Variants in MPP4 observed in about 807,000 individuals in gnomAD.
MPP4 encodes the protein MAGUK p55 subfamily member 4.
Under a neutral mutation model 98.3 loss-of-function variants are expected in MPP4, and 91 were observed. The observed-to-expected ratio is 0.93, with a 90% CI of 0.78 to 1.10. The LOEUF is 1.10. Among genes scored for constraint, MPP4 ranks in the 50% least tolerant of loss-of-function variants. The pLI is 0.00. For synonymous variants in MPP4, 261 were observed against 271.8 expected, an observed-to-expected ratio of 0.96 and a Z score of 0.39; for missense variants, 744 against 792.9, an observed-to-expected ratio of 0.94 and a Z score of 0.74.
At chr2:201,674,389 G>A (rs1337328997) in intron 11 of MPP4, among the ~76,000 whole-genome samples, 2 of 152,208 alleles carry the variant, frequency 1.3e-5, no homozygotes, top group Non-Finnish European at 2.9e-5. Context: ...TCAGATGGCT[G>A]GCTGCCAGGG....
intron 6 of MPP4, 131 bp downstream of exon 6, chr2:201,685,788 T>C: frequency 2.0e-6 from 2 of 1,017,614 alleles, no homozygotes; most frequent in Non-Finnish European, 1.4e-6. Flanking sequence ...ACTTGCAGAG[T>C]TGACAGCCGT....
intron 3 of MPP4, among the ~76,000 whole-genome samples, chr2:201,691,253 C>A (rs1689014834): frequency 6.6e-6 from 1 of 152,148 alleles, no homozygotes; most frequent in Non-Finnish European, 1.5e-5. Context: ...TTCATTCATG[C>A]CAAAGATGTT....
chr2:201,692,616 G>A (rs1386720162), intron 3 of MPP4, among the ~76,000 whole-genome samples: 3 of 151,460 alleles, frequency 2.0e-5, no homozygotes, highest in Admixed American at 2.0e-4. Flanking sequence ...TCATGAATAT[G>A]GAATTAATGC....
rs914121592 is a variant in MPP4, at chr2:201,693,922, T to C, written c.33A>G (p.Pro11=). The C allele has an allele frequency of 6.2e-7, 1 of 1,614,028 alleles. No individual in the cohort carries two copies. The highest frequency in any genetic ancestry group is 8.5e-7 in the Non-Finnish European group (1 of 1,179,874). Residue 11 remains proline (P), a synonymous_variant, in exon 2 of 22, where the codon CCA becomes CCG. Coordinates refer to ENST00000409474, the MANE Select transcript of MPP4 (RefSeq NM_033066.3). The stretch of plus-strand genomic sequence containing the variant: ...TAGAAAGCTTCATGTCCTTCTTGTC[T>C]GGTGGATCTGCTCCTTTGTCTGACT... MIQSDKGADP[P]DKKDMKLSTA...
At chr2:201,647,094 A>G (rs77985975) in intron 21 of MPP4, among the ~76,000 whole-genome samples, 5,170 of 150,336 alleles carry the variant, frequency 0.034, 150 homozygotes, top group African/African-American at 0.083. Context: ...TATTTAAAGC[A>G]TATTTAATGT....
rs75508593 is a variant in MPP4 at position 201,659,895 on chromosome 2, A to G, written c.1087+437T>C. Among the ~76,000 whole-genome samples the G allele has an allele frequency of 1.2e-3, 181 of 152,276 alleles. 1 individual carries two copies. Among genetic ancestry groups the G allele is most frequent in the African/African-American group, 4.3e-3 (179 of 41,558 alleles). ...GTTAATAGAATGAACTGACATATGC[A>G]ACCTTTTTTCTTAACCTTTTTTTTT... is the stretch of plus-strand genomic sequence containing the variant. On this transcript the variant is annotated intron_variant, in intron 15 of 21. Transcript: ENST00000409474.
At chr2:201,655,629 G>A (rs1687827689) in intron 17 of MPP4, among the ~76,000 whole-genome samples, 1 of 152,210 alleles carries the variant, frequency 6.6e-6, no homozygotes, top group Non-Finnish European at 1.5e-5. Flanking sequence ...GAAGGCAGTA[G>A]GATACAAGTT....
intron 10 of MPP4, 38 bp from the exon 11 acceptor site, chr2:201,675,309 A>G (rs779712180): frequency 7.5e-5 from 118 of 1,579,588 alleles, no homozygotes; most frequent in Non-Finnish European, 9.9e-5. Flanking sequence ...AAAAACAAAC[A>G]AAAACCACTC....
chr2:201,685,747 G>A (rs935087161), intron 6 of MPP4, among the ~76,000 whole-genome samples, 172 bp downstream of exon 6: 1 of 152,148 alleles, frequency 6.6e-6, no homozygotes, highest in Non-Finnish European at 1.5e-5. Context: ...AAAACACCGT[G>A]ACATGTAATA....
intron 14 of MPP4, chr2:201,661,983 C>T (rs1559007098): frequency 3.1e-6 from 1 of 325,684 alleles, no homozygotes; most frequent in Non-Finnish European, 5.9e-6. Context: ...TAAATTATTT[C>T]TAACAGGCCA....
intron 19 of MPP4, 77 bp from the exon 20 acceptor site, chr2:201,649,761 C>T (rs1032516912): frequency 3.2e-6 from 3 of 944,260 alleles, no homozygotes; most frequent in South Asian, 2.8e-5. Context: ...GGATAAACTG[C>T]ACTAGAGTTG....
intron 10 of MPP4, 115 bp from the exon 11 acceptor site, chr2:201,675,386 C>T: frequency 9.5e-7 from 1 of 1,056,228 alleles, no homozygotes; most frequent in Non-Finnish European, 1.4e-6. Context: ...ATTCTGCTGC[C>T]TTCACTCAAG....
At chr2:201,693,115 G>T (rs1318284969) in intron 2 of MPP4, 86 bp from the exon 3 acceptor site, 2 of 1,468,124 alleles carry the variant, frequency 1.4e-6, no homozygotes, top group Non-Finnish European at 1.8e-6. Context: ...ATGCCATGGG[G>T]TCTCACCAGG....
chr2:201,669,810 AT>A, intron 11 of MPP4, 60 bp from the exon 12 acceptor site: 5 of 1,221,096 alleles, frequency 4.1e-6, no homozygotes, highest in Non-Finnish European at 5.3e-6. Flanking sequence ...TCTGTACTAT[AT>A]TTTCTCAGAT....
Position 201,649,439 on chromosome 2 carries a change from T to C in MPP4, c.1584+137A>G, listed in dbSNP as rs986977435. 31 of 629,440 alleles carry C rather than the reference T, an allele frequency of 4.9e-5. No individual in the cohort carries two copies. In the Admixed American group the frequency reaches 7.2e-4, roughly 15 times the overall value. 39.0% of individuals were successfully genotyped at this position (629,440 alleles called of 1,614,324 possible). A position where few individuals can be genotyped will look rare whatever the true frequency, so the allele number is the denominator to read the frequency against. ...TTGTCAATTGACACGTTAAGTAAGA[T>C]CTTATATATGGGAAATGGCCTTATT... On this transcript the variant is annotated intron_variant, in intron 20 of 21. Transcript: ENST00000409474.
intron 14 of MPP4, 76 bp downstream of exon 14, chr2:201,664,005 A>C: frequency 9.1e-7 from 1 of 1,099,938 alleles, no homozygotes; most frequent in Non-Finnish European, 1.3e-6. Context: ...CAGTTATTAT[A>C]AATATGTGTA....
chr2:201,655,419 G>C (rs1687822263), intron 17 of MPP4, among the ~76,000 whole-genome samples: 1 of 152,200 alleles, frequency 6.6e-6, no homozygotes, highest in Non-Finnish European at 1.5e-5. Flanking sequence ...GTTACACAGG[G>C]CACATGCTTA....
chr2:201,657,620 C>CTTTTTTTTTTTTTTTTTTTTTTT (rs1687894177), intron 16 of MPP4, among the ~76,000 whole-genome samples: 2 of 61,648 alleles, frequency 3.2e-5, no homozygotes, highest in African/African-American at 5.4e-5. Context: ...TTTTTTTTTG[C>CTTTTTTTTTTTTTTTTTTTTTTT]TTATTGTATC....
In MPP4 at chr2:201,653,598, G is replaced by A. The variant is rs189651025; in HGVS notation, c.1381+1239C>T. ...ACTTTCTTTTACACATATTAGAAAC[G>A]ATGCATTATTATACATTATTATAAA... On this transcript the variant is annotated intron_variant, in intron 18 of 21. Coordinates refer to ENST00000409474, the MANE Select transcript of MPP4 (RefSeq NM_033066.3). Among the ~76,000 whole-genome samples, 43 of 152,220 alleles carry A rather than the reference G, an allele frequency of 2.8e-4. No homozygotes were observed. The East Asian group carries it at 6.6e-3, about 23-fold the overall frequency.
Sources: allele counts gnomAD v4.1 joint callset (sites outside exome capture counted in the v4.1 genomes callset), GRCh38; gene constraint gnomAD v4.1.1; transcripts MANE v1.5; gene names NCBI Gene and HGNC (gene_info 2026-07-23, HGNC 2026-07-21).